The following CCDC77 variants were observed in gnomAD, a reference collection of about 807,000 sequenced individuals.
The protein encoded by CCDC77 is coiled-coil domain containing 77.
A neutral mutation model predicts 66.8 loss-of-function variants in CCDC77; 56 were observed. That is an observed-to-expected ratio of 0.84 (90% confidence interval 0.68 to 1.05). The LOEUF (loss-of-function observed/expected upper bound fraction) is 1.05. Among genes scored for constraint, CCDC77 ranks in the 50% least tolerant of loss-of-function variants. The probability of loss-of-function intolerance (pLI) is 0.00; values close to 1 mark genes in which losing one functional copy is unlikely to be tolerated. For synonymous variants in CCDC77, 196 were observed against 195.2 expected, an observed-to-expected ratio of 1.00 and a Z score of -0.03; for missense variants, 570 against 576.8, an observed-to-expected ratio of 0.99 and a Z score of 0.12.
chr12:400,786 ATGTGG>A (rs1391877887), upstream of CCDC77, among the ~76,000 whole-genome samples: 1 of 152,228 alleles, frequency 6.6e-6, no homozygotes, highest in Non-Finnish European at 1.5e-5. Flanking sequence ...AAATTACCAA[ATGTGG>A]TGCAGAGACA....
chr12:398,354 C>T (rs1944854741), upstream of CCDC77, among the ~76,000 whole-genome samples: 2 of 152,150 alleles, frequency 1.3e-5, no homozygotes, highest in Non-Finnish European at 2.9e-5. Context: ...GCTAAAGAAA[C>T]CACTTTCTTT....
At chr12:431,013 G>C (rs1038408660) in intron 7 of CCDC77, among the ~76,000 whole-genome samples, 24 of 147,204 alleles carry the variant, frequency 1.6e-4, no homozygotes, top group Non-Finnish European at 3.4e-4. Context: ...CTGGGAGGCG[G>C]AGGTTGCAGT....
intron 5 of CCDC77, among the ~76,000 whole-genome samples, chr12:427,074 A>G (rs775816587): frequency 1.1e-4 from 17 of 151,968 alleles, no homozygotes; most frequent in African/African-American, 2.7e-4. Context: ...GTGAAACCCC[A>G]TCTCTACTAA....
intron 10 of CCDC77, 34 bp from the exon 11 acceptor site, chr12:440,583 G>T: frequency 6.2e-7 from 1 of 1,610,402 alleles, no homozygotes; most frequent in South Asian, 1.1e-5. Context: ...TTGTAGAACT[G>T]AGTGTTAATG....
intron 1 of CCDC77, among the ~76,000 whole-genome samples, chr12:391,495 C>T (rs1050786517): frequency 6.6e-6 from 1 of 152,010 alleles, no homozygotes; most frequent in African/African-American, 2.4e-5. Flanking sequence ...TTGATTTTTA[C>T]CACTTAAATC....
upstream of CCDC77, among the ~76,000 whole-genome samples, chr12:400,020 T>G (rs1209467005): frequency 6.6e-6 from 1 of 152,382 alleles, no homozygotes; most frequent in African/African-American, 2.4e-5. Context: ...CCTTAATCAA[T>G]TACCTTAGTT....
At chr12:414,639 A>G (rs1945186835) in intron 4 of CCDC77, among the ~76,000 whole-genome samples, 1 of 152,020 alleles carries the variant, frequency 6.6e-6, no homozygotes, top group Non-Finnish European at 1.5e-5. Context: ...CCGCACATGT[A>G]CTGCCACCAT....
At chr12:398,513 C>T (rs182411668), upstream of CCDC77, among the ~76,000 whole-genome samples, 1 of 151,632 alleles carries the variant, frequency 6.6e-6, no homozygotes, top group African/African-American at 2.4e-5. Context: ...GATCTGGGCT[C>T]ACTGCAACCT....
At chr12:418,817 G>A (rs1206208381) in intron 5 of CCDC77, 181 bp downstream of exon 5, 3 of 604,140 alleles carry the variant, frequency 5.0e-6, no homozygotes, top group African/African-American at 3.7e-5. Flanking sequence ...TCATGCCTCA[G>A]CCTCTCGAGT....
chr12:438,332 T>C lies in CCDC77; in HGVS notation c.822-3T>C, dbSNP rs1054515100. Reference sequence around the variant, plus strand: ...ATGTCTGCATTTATACTTTCTTTCCTAGTCTTCACCACACCCAAGAACTGC... The same window carrying C: ...ATGTCTGCATTTATACTTTCTTTCCCAGTCTTCACCACACCCAAGAACTGC... On this transcript the variant is annotated splice_polypyrimidine_tract_variant and splice_region_variant and intron_variant, in intron 9 of 12. Transcript: ENST00000239830. 3 of 1,605,042 alleles carry C rather than the reference T, an allele frequency of 1.9e-6. No homozygotes were observed. The highest frequency in any genetic ancestry group is 2.6e-6 in the Non-Finnish European group (3 of 1,174,838).
At chr12:422,896 G>A (rs1329060228) in intron 5 of CCDC77, among the ~76,000 whole-genome samples, 1 of 152,128 alleles carries the variant, frequency 6.6e-6, no homozygotes, top group Non-Finnish European at 1.5e-5. Context: ...TTACAGGTGT[G>A]TGCTACTGTG....
intron 4 of CCDC77, among the ~76,000 whole-genome samples, chr12:415,449 T>C (rs1189189989): frequency 1.4e-5 from 2 of 144,602 alleles, no homozygotes; most frequent in South Asian, 2.2e-4. Flanking sequence ...AATATGTTAA[T>C]ATTAACATAA....
Position 442,235 on chromosome 12 carries a change from C to G in CCDC77, c.*315C>G, listed in dbSNP as rs1945870475. On this transcript the variant is annotated 3_prime_UTR_variant, in exon 13 of 13. Coordinates refer to ENST00000239830, the MANE Select transcript of CCDC77 (RefSeq NM_032358.4). Reference sequence around the variant, plus strand: ...TTTCAGAAGGCAGTGATGATGAAAACTTAGGAAGAAGGTATTTTGCAATAA... The same window carrying G: ...TTTCAGAAGGCAGTGATGATGAAAAGTTAGGAAGAAGGTATTTTGCAATAA... 1 of 204,446 alleles carries G rather than the reference C, an allele frequency of 4.9e-6. No individual in the cohort carries two copies. Among genetic ancestry groups the G allele is most frequent in the African/African-American group, 2.3e-5 (1 of 43,098 alleles). 12.7% of individuals were successfully genotyped at this position (204,446 alleles called of 1,614,324 possible).
Position 423,483 on chromosome 12 carries a change from T to TTG in CCDC77, c.413+4848_413+4849insGT, listed in dbSNP as rs1565572214. Among the ~76,000 whole-genome samples, 116 of 33,110 alleles carry TTG rather than the reference T, an allele frequency of 3.5e-3. 1 individual carries two copies. Among genetic ancestry groups the TTG allele is most frequent in the Non-Finnish European group, 4.9e-3 (79 of 16,188 alleles). The allele number at this position is 33,110 out of a possible 152,430, so 21.7% of individuals were successfully genotyped here. On this transcript the variant is annotated intron_variant, in intron 5 of 12. Transcript: ENST00000239830. ...GGTGTTTTTTGTGTTTTTTGTGTTT[T>TTG]TTTTTGTTTTGTTTTTTTTTTTTTT...
Position 422,546 on chromosome 12 carries a change from A to C in CCDC77, c.413+3910A>C, listed in dbSNP as rs111571838. Among the ~76,000 whole-genome samples the C allele has an allele frequency of 1.1e-3, 172 of 152,326 alleles. 2 individuals are homozygous for C. Among genetic ancestry groups the C allele is most frequent in the Non-Finnish European group, 1.3e-3 (91 of 68,034 alleles). ...ATACAGTATTTGTTATGCTTATTTC[A>C]CTCAGCGTAATGTCTTCAAGGTTCA... On this transcript the variant is annotated intron_variant, in intron 5 of 12. Transcript: ENST00000239830.
intron 5 of CCDC77, among the ~76,000 whole-genome samples, chr12:428,251 G>A (rs139450901): frequency 2.6e-5 from 4 of 152,002 alleles, no homozygotes; most frequent in African/African-American, 9.7e-5. Context: ...AGTGGCTCCC[G>A]CCTGTAATCC....
intron 5 of CCDC77, 110 bp downstream of exon 5, chr12:418,746 C>CT: frequency 8.0e-7 from 1 of 1,245,270 alleles, no homozygotes; most frequent in Non-Finnish European, 1.1e-6. Flanking sequence ...ATTGCCCAGG[C>CT]TGGAGTACAG....
At chr12:413,626 A>ATTTTT (rs573170612) in intron 4 of CCDC77, among the ~76,000 whole-genome samples, 3 of 115,480 alleles carry the variant, frequency 2.6e-5, no homozygotes, top group African/African-American at 9.9e-5. Context: ...ACTGAATGGG[A>ATTTTT]TTTTTTTTTT....
upstream of CCDC77, chr12:401,598 T>C (rs1944895745): frequency 6.6e-6 from 1 of 152,346 alleles, no homozygotes; most frequent in Non-Finnish European, 1.5e-5. Flanking sequence ...ATTGCACGGA[T>C]TCAGGGACGC....
Sources: gnomAD v4.1 joint callset for allele counts (sites outside exome capture counted in the v4.1 genomes callset) on GRCh38, gnomAD v4.1.1 for gene constraint, MANE v1.5 for transcripts, NCBI Gene and HGNC (gene_info 2026-07-23, HGNC 2026-07-21) for gene names.